Variants in CACNA2D3 observed in about 807,000 individuals in gnomAD.
The protein encoded by CACNA2D3 is calcium voltage-gated channel auxiliary subunit alpha2delta 3.
Under a neutral mutation model 160.6 loss-of-function variants are expected in CACNA2D3, and 60 were observed. The ratio of observed to expected loss-of-function variants is 0.37; its 90% CI spans 0.30 to 0.46. CACNA2D3 has a LOEUF of 0.46. Among genes scored for constraint, CACNA2D3 ranks in the 20% least tolerant of loss-of-function variants. CACNA2D3 has a pLI of 1.00. For synonymous variants in CACNA2D3, 558 were observed against 492.9 expected (o/e 1.13, Z -1.75); for missense variants, 1,205 against 1,365.0 (o/e 0.88, Z 1.85).
intron 2 of CACNA2D3, among the ~76,000 whole-genome samples, chr3:54,276,762 C>T (rs1375804504): frequency 6.6e-6 from 1 of 151,998 alleles, no homozygotes; most frequent in Non-Finnish European, 1.5e-5. Context: ...CTGTGCATTT[C>T]TTCCAGGTTA....
intron 5 of CACNA2D3, among the ~76,000 whole-genome samples, chr3:54,542,697 A>G (rs189591396): frequency 1.4e-4 from 22 of 152,076 alleles, no homozygotes; most frequent in Non-Finnish European, 2.6e-4. Context: ...TTTTAGTCAC[A>G]CTGGCGGCTG....
At chr3:54,145,362 G>T (rs1166452071) in intron 2 of CACNA2D3, among the ~76,000 whole-genome samples, 1 of 152,242 alleles carries the variant, frequency 6.6e-6, no homozygotes, top group Non-Finnish European at 1.5e-5. Context: ...CCCTGGATGT[G>T]TGTGTGTGGA....
At chr3:55,013,996 G>A (rs1388621433) in intron 34 of CACNA2D3, among the ~76,000 whole-genome samples, 1 of 152,124 alleles carries the variant, frequency 6.6e-6, no homozygotes, top group East Asian at 1.9e-4. Flanking sequence ...GGTGTAACTG[G>A]GATAGGAGGC....
intron 10 of CACNA2D3, among the ~76,000 whole-genome samples, chr3:54,629,491 A>G (rs759466725): frequency 2.0e-5 from 3 of 152,124 alleles, no homozygotes; most frequent in Non-Finnish European, 4.4e-5. Context: ...GAGAAGAGAA[A>G]AATAAGGAGA....
chr3:54,860,645 A>G (rs1699270458), intron 17 of CACNA2D3, among the ~76,000 whole-genome samples: 1 of 152,226 alleles, frequency 6.6e-6, no homozygotes, highest in Non-Finnish European at 1.5e-5. Flanking sequence ...TGGTGACTGT[A>G]GGTCACCTTG....
At chr3:54,262,625 T>G (rs1702423655) in intron 2 of CACNA2D3, among the ~76,000 whole-genome samples, 1 of 152,070 alleles carries the variant, frequency 6.6e-6, no homozygotes, top group Non-Finnish European at 1.5e-5. Flanking sequence ...AATCCATTCA[T>G]TCAATCTGCA....
intron 4 of CACNA2D3, among the ~76,000 whole-genome samples, chr3:54,457,452 T>C (rs1427512735): frequency 6.6e-6 from 1 of 152,090 alleles, no homozygotes; most frequent in Non-Finnish European, 1.5e-5. Context: ...TAAAAACTTG[T>C]TGAGACTTGT....
At chr3:54,322,982 G>T (rs527761415) in intron 3 of CACNA2D3, among the ~76,000 whole-genome samples, 2 of 152,084 alleles carry the variant, frequency 1.3e-5, no homozygotes, top group African/African-American at 4.8e-5. Context: ...CTGTAATTAC[G>T]CTTGATGCTC....
At chr3:55,054,623 T>A (rs1704317157) in intron 35 of CACNA2D3, among the ~76,000 whole-genome samples, 2 of 150,584 alleles carry the variant, frequency 1.3e-5, no homozygotes, top group South Asian at 4.1e-4. Flanking sequence ...GTATAATATA[T>A]TACCATTATC....
In CACNA2D3 at chr3:54,828,311, A is replaced by G. The variant is rs191619651; in HGVS notation, c.1399-8848A>G. On this transcript the variant is annotated intron_variant, in intron 14 of 37. Coordinates refer to ENST00000474759, the MANE Select transcript of CACNA2D3 (RefSeq NM_018398.3). ...ATTGACCAAAATCCAATGCCTCATG[A>G]TAATTTTCATTGTCATTAGTCCTGG... Among the ~76,000 whole-genome samples, 172 of 152,334 alleles carry G rather than the reference A, an allele frequency of 1.1e-3. 2 individuals are homozygous for G. The highest frequency in any genetic ancestry group is 3.8e-3 in the African/African-American group (156 of 41,576).
In CACNA2D3 at chr3:54,820,341, G is replaced by T. The variant is rs557638522; in HGVS notation, c.1398+3471G>T. Among the ~76,000 whole-genome samples the T allele has an allele frequency of 3.3e-5, 5 of 152,292 alleles. No individual in the cohort carries two copies. The South Asian group carries it at 1.0e-3, about 32-fold the overall frequency. On this transcript the variant is annotated intron_variant, in intron 14 of 37. Transcript: ENST00000474759. ...TTATGTGTAGCAGCCATTAATGACTGTTGTCTGTAAGTTATGGTTTTCATG... is the reference window on the plus strand; with the variant it reads ...TTATGTGTAGCAGCCATTAATGACTTTTGTCTGTAAGTTATGGTTTTCATG...
intron 4 of CACNA2D3, among the ~76,000 whole-genome samples, chr3:54,388,560 T>C (rs1699228038): frequency 6.6e-6 from 1 of 152,158 alleles, no homozygotes; most frequent in South Asian, 2.1e-4. Flanking sequence ...GTTGGAAACA[T>C]TGGAAGAGGA....
chr3:54,557,017 T>G (rs9311535), intron 5 of CACNA2D3, among the ~76,000 whole-genome samples: 6,368 of 152,290 alleles, frequency 0.042, 427 homozygotes, highest in African/African-American at 0.15. Context: ...GAAAGCTCCA[T>G]CTATTTTTTC....
intron 9 of CACNA2D3, among the ~76,000 whole-genome samples, chr3:54,626,966 A>G (rs538541532): frequency 6.6e-5 from 10 of 152,308 alleles, no homozygotes; most frequent in African/African-American, 2.2e-4. Context: ...CTGCAGAGCC[A>G]GAAGGGTCTT....
chr3:55,026,811 A>G (rs1003332532), intron 35 of CACNA2D3, among the ~76,000 whole-genome samples: 6 of 152,342 alleles, frequency 3.9e-5, no homozygotes, highest in African/African-American at 1.4e-4. Context: ...TCAAATGCTA[A>G]CTACCCTGAC....
intron 27 of CACNA2D3, among the ~76,000 whole-genome samples, chr3:54,934,305 G>C (rs752193423): frequency 2.0e-4 from 30 of 152,204 alleles, no homozygotes; most frequent in Non-Finnish European, 4.4e-4. Flanking sequence ...CTCTGACTCA[G>C]GAGGTGAGAA....
intron 6 of CACNA2D3, among the ~76,000 whole-genome samples, chr3:54,569,126 G>A (rs1159124380): frequency 6.6e-6 from 1 of 152,132 alleles, no homozygotes; most frequent in Non-Finnish European, 1.5e-5. Flanking sequence ...AACTAAGTTG[G>A]ATATATCCTG....
At chr3:54,416,982 A>G (rs1468813583) in intron 4 of CACNA2D3, among the ~76,000 whole-genome samples, 1 of 152,222 alleles carries the variant, frequency 6.6e-6, no homozygotes, top group African/African-American at 2.4e-5. Flanking sequence ...CCACAGTCCC[A>G]TACTCAGAGC....
At chr3:54,584,252 G>T (rs1266970588) in intron 9 of CACNA2D3, among the ~76,000 whole-genome samples, 5 of 152,204 alleles carry the variant, frequency 3.3e-5, no homozygotes. Flanking sequence ...TGAATTGGAT[G>T]TTGGAATTAC....
Sources: gnomAD v4.1 joint callset for allele counts (sites outside exome capture counted in the v4.1 genomes callset) on GRCh38, gnomAD v4.1.1 for gene constraint, MANE v1.5 for transcripts, NCBI Gene and HGNC (gene_info 2026-07-23, HGNC 2026-07-21) for gene names.